The following TAB1 variants were observed in gnomAD, a reference collection of about 807,000 sequenced individuals.
TAB1 encodes TGF-beta-activated kinase 1 and MAP3K7-binding protein 1.
In TAB1, 30 loss-of-function variants were observed where a neutral mutation model predicts 54.5. That is an observed-to-expected ratio of 0.55 (90% CI 0.41 to 0.75). TAB1 has a LOEUF of 0.75. Ranked by LOEUF, TAB1 falls within the 30% of genes least tolerant of loss-of-function variation. TAB1 has a pLI of 0.00. For synonymous variants in TAB1, 289 were observed against 286.9 expected, an observed-to-expected ratio of 1.01 and a Z score of -0.07; for missense variants, 609 against 683.2, an observed-to-expected ratio of 0.89 and a Z score of 1.21.
chr22:39,418,843 T>TG lies in TAB1; in HGVS notation c.664+1dup. 1 of 1,612,648 alleles carries TG rather than the reference T, an allele frequency of 6.2e-7. No homozygotes were observed. The highest frequency in any genetic ancestry group is 8.5e-7 in the Non-Finnish European group (1 of 1,178,710). The stretch of plus-strand genomic sequence containing the variant: ...GATGAGCTCTTCCGTCTTTCGCAGC[T>TG]GGGTGAGTGGGGAGAGTGGGAGCGG... On this transcript the variant is annotated frameshift_variant and splice_region_variant, in exon 6 of 11. Coordinates refer to ENST00000216160, the MANE Select transcript of TAB1 (RefSeq NM_006116.3). LOFTEE classifies it high-confidence loss of function.
Position 39,421,990 on chromosome 22 carries a change from C to T in TAB1, c.921+19C>T, listed in dbSNP as rs375794535. The T allele has an allele frequency of 1.9e-5, 28 of 1,510,486 alleles. No homozygotes were observed. Among genetic ancestry groups the T allele is most frequent in the East Asian group, 4.9e-5 (2 of 40,558 alleles). The allele number at this position is 1,510,486 out of a possible 1,614,324, so 93.6% of individuals were successfully genotyped here. A position where few individuals can be genotyped will look rare whatever the true frequency, so the allele number is the denominator to read the frequency against. On this transcript the variant is annotated intron_variant, in intron 8 of 10. Coordinates refer to ENST00000216160, the MANE Select transcript of TAB1 (RefSeq NM_006116.3). ...CAACCAGGTGAGTTGGGCCCAGCCACGCCCATGGCCGGAGAGCGTGGCTGG... is the reference window on the plus strand; with the variant it reads ...CAACCAGGTGAGTTGGGCCCAGCCATGCCCATGGCCGGAGAGCGTGGCTGG...
rs116075482 is a variant in TAB1, at chr22:39,413,617, G to A, written c.34-1389G>A. 6.0e-3 allele frequency among the ~76,000 whole-genome samples: 911 copies of A among 152,188 alleles called. 11 individuals are homozygous for A. Among genetic ancestry groups the A allele is most frequent in the African/African-American group, 0.02 (830 of 41,516 alleles). ...TGTTTTTAACAGAGACAGAGATGGG[G>A]TTTCACCAGGTTGGCTAGGCCGGTC... is the stretch of plus-strand genomic sequence containing the variant. On this transcript the variant is annotated intron_variant, in intron 1 of 10. Coordinates refer to ENST00000216160, the MANE Select transcript of TAB1 (RefSeq NM_006116.3).
chr22:39,422,302 G>A (rs1186242997), intron 8 of TAB1, among the ~76,000 whole-genome samples: 1 of 151,796 alleles, frequency 6.6e-6, no homozygotes, highest in African/African-American at 2.4e-5. Flanking sequence ...AGAAAGAGAT[G>A]TGCAGAGTCC....
rs1601688419 is a variant in TAB1, at chr22:39,413,473, G to A, written c.34-1533G>A. Among the ~76,000 whole-genome samples, 5 of 151,472 alleles carry A rather than the reference G, an allele frequency of 3.3e-5. 1 individual carries two copies. The highest frequency in any genetic ancestry group is 3.3e-4 in the Admixed American group (5 of 15,204). ...CTCTTGTCGCCCAGGCTAGAGTGCA[G>A]TGGCATGATCTCAGCTCGCTGCAAC... On this transcript the variant is annotated intron_variant, in intron 1 of 10. Coordinates refer to ENST00000216160, the MANE Select transcript of TAB1 (RefSeq NM_006116.3).
intron 1 of TAB1, among the ~76,000 whole-genome samples, chr22:39,403,994 C>T (rs907227807): frequency 7.9e-5 from 12 of 152,098 alleles, no homozygotes; most frequent in African/African-American, 2.7e-4. Context: ...CCTGGGACCT[C>T]CTAAGAGACT....
chr22:39,434,704 C>G (rs1420422487), downstream of TAB1, among the ~76,000 whole-genome samples: 1 of 152,242 alleles, frequency 6.6e-6, no homozygotes, highest in African/African-American at 2.4e-5. Context: ...CAGGGACCCC[C>G]AGAAAGGTGA....
chr22:39,399,846 G>A lies in TAB1; in HGVS notation c.33+11G>A, dbSNP rs779842198. 5.6e-6 allele frequency: 9 copies of A among 1,594,614 alleles called. No homozygotes were observed. The highest frequency in any genetic ancestry group is 7.7e-6 in the Non-Finnish European group (9 of 1,171,012). On this transcript the variant is annotated intron_variant, in intron 1 of 10. Transcript: ENST00000216160. ...AGCTTGCTGCAGAGTGTGAGGAACA[G>A]GCCCGCTCTCTGGGCTTGGGGTTGG...
intron 8 of TAB1, among the ~76,000 whole-genome samples, chr22:39,422,426 T>TTTTTTTTG (rs1364587511): frequency 6.9e-6 from 1 of 144,142 alleles, no homozygotes; most frequent in Non-Finnish European, 1.5e-5. Flanking sequence ...TTTTTTTTTT[T>TTTTTTTTG]GAGACAGCGT....
chr22:39,418,969 C>T, intron 6 of TAB1, 124 bp downstream of exon 6: 1 of 759,832 alleles, frequency 1.3e-6, no homozygotes, highest in Non-Finnish European at 2.3e-6. Flanking sequence ...GCCAGCCTGC[C>T]TGGGGTTCAT....
chr22:39,437,049 C>CA (rs141513185), downstream of TAB1: 5,726 of 148,946 alleles, frequency 0.038, 361 homozygotes, highest in African/African-American at 0.13. Flanking sequence ...GCCTCTTCTG[C>CA]AAAAAAAAAA....
At chr22:39,418,585 GT>G (rs1299908854) in intron 5 of TAB1, 146 bp from the exon 6 acceptor site, 23 of 629,626 alleles carry the variant, frequency 3.7e-5, no homozygotes, top group African/African-American at 7.2e-5. Flanking sequence ...TCCCTAACTG[GT>G]GACTCACCCC....
At chr22:39,421,492 G>A (rs1368802223) in intron 7 of TAB1, among the ~76,000 whole-genome samples, 1 of 152,122 alleles carries the variant, frequency 6.6e-6, no homozygotes, top group Non-Finnish European at 1.5e-5. Flanking sequence ...GGGCTCCCAG[G>A]GATAATCCCT....
intron 8 of TAB1, among the ~76,000 whole-genome samples, chr22:39,422,241 C>A (rs549096751): frequency 6.6e-6 from 1 of 152,018 alleles, no homozygotes; most frequent in Non-Finnish European, 1.5e-5. Context: ...GCTATGGGCA[C>A]GGCATTACTC....
At chr22:39,400,363 G>C (rs959249353) in intron 1 of TAB1, among the ~76,000 whole-genome samples, 20 of 152,220 alleles carry the variant, frequency 1.3e-4, no homozygotes, top group African/African-American at 4.8e-4. Flanking sequence ...ATTGAGGCAG[G>C]ATTAAAATCA....
In TAB1 at chr22:39,417,751, T is replaced by A; in HGVS notation, c.452T>A (p.Ile151Asn). The A allele has an allele frequency of 1.2e-6, 2 of 1,613,026 alleles. No homozygotes were observed. Among genetic ancestry groups the A allele is most frequent in the Non-Finnish European group, 1.7e-6 (2 of 1,179,536 alleles). ...CAGCTGCCTCCTCAGTATCAGAAGA[T>A]CCTTGAGAGACTCAAGACGTTAGAG... ...QHQLPPQYQK[I>N]LERLKTLERE... Residue 151 changes from isoleucine to asparagine, a missense_variant, in exon 5 of 11, where the codon ATC becomes AAC. Transcript: ENST00000216160.
chr22:39,410,924 G>A (rs1389751108), intron 1 of TAB1, among the ~76,000 whole-genome samples: 1 of 152,166 alleles, frequency 6.6e-6, no homozygotes, highest in Non-Finnish European at 1.5e-5. Context: ...AAGATAAGGA[G>A]ACTCACACTA....
chr22:39,423,898 A>C (rs113903810), intron 8 of TAB1, among the ~76,000 whole-genome samples: 2 of 149,384 alleles, frequency 1.3e-5, no homozygotes. Flanking sequence ...TATAGTGTAC[A>C]TTGTAACTAA....
chr22:39,432,148 G>A (rs1402961818), downstream of TAB1, among the ~76,000 whole-genome samples: 1 of 152,218 alleles, frequency 6.6e-6, no homozygotes, highest in African/African-American at 2.4e-5. Context: ...TTTCCCTGCT[G>A]CAGGCCAAGC....
At chr22:39,420,818 T>TGTGTGTGTGTG (rs1569199244) in intron 7 of TAB1, among the ~76,000 whole-genome samples, 5 of 144,908 alleles carry the variant, frequency 3.5e-5, no homozygotes, top group Admixed American at 6.8e-5. Context: ...TGTGTGTGTG[T>TGTGTGTGTGTG]TTGTCCTGGG....
Sources: gnomAD v4.1 joint callset for allele counts (sites outside exome capture counted in the v4.1 genomes callset) on GRCh38, gnomAD v4.1.1 for gene constraint, MANE v1.5 for transcripts, NCBI Gene and HGNC (gene_info 2026-07-23, HGNC 2026-07-21) for gene names.